TRHDE: variants seen among roughly 807,000 people sequenced by gnomAD.
TRHDE encodes the protein thyrotropin-releasing hormone-degrading ectoenzyme.
TRHDE carries 72 observed loss-of-function variants against 125.7 expected under a neutral mutation model. That is an observed-to-expected ratio of 0.57 (90% CI 0.47 to 0.70). The LOEUF (loss-of-function observed/expected upper bound fraction) is 0.70. TRHDE is among the 30% of genes least tolerant of loss of function. The pLI, the probability that TRHDE is intolerant of heterozygous loss-of-function variation, is 0.00. For synonymous variants in TRHDE, 509 were observed against 509.1 expected, an observed-to-expected ratio of 1.00 and a Z score of 0.00; for missense variants, 1,110 against 1,327.1, an observed-to-expected ratio of 0.84 and a Z score of 2.54.
At chr12:72,088,003 G>A (rs968434360) in intron 1 of TRHDE, among the ~76,000 whole-genome samples, 6 of 151,976 alleles carry the variant, frequency 3.9e-5, no homozygotes, top group Non-Finnish European at 7.4e-5. Flanking sequence ...GGAAATTGAG[G>A]GTTCAGGATT....
At chr12:72,588,077 A>G (rs540921713) in intron 12 of TRHDE, among the ~76,000 whole-genome samples, 2 of 152,284 alleles carry the variant, frequency 1.3e-5, no homozygotes, top group East Asian at 1.9e-4. Flanking sequence ...TTTCACGGAC[A>G]AAATAAAGAT....
At chr12:72,293,311 C>T (rs1880161096) in intron 2 of TRHDE, among the ~76,000 whole-genome samples, 1 of 151,866 alleles carries the variant, frequency 6.6e-6, no homozygotes, top group Non-Finnish European at 1.5e-5. Flanking sequence ...GTTTACTCTG[C>T]TGATTATTTC....
chr12:72,396,462 T>A (rs1268180966), intron 3 of TRHDE, among the ~76,000 whole-genome samples: 1 of 152,046 alleles, frequency 6.6e-6, no homozygotes, highest in African/African-American at 2.4e-5. Flanking sequence ...GACTTTATTC[T>A]CGGCCAGGTG....
chr12:72,529,056 TGTCAGATAATTTTATTTTAA>T (rs1868409834), intron 6 of TRHDE, among the ~76,000 whole-genome samples: 1 of 152,096 alleles, frequency 6.6e-6, no homozygotes, highest in Non-Finnish European at 1.5e-5. Flanking sequence ...ATTTTTCCTC[TGTCAGATAATTTTATTTTAA>T]ATAAAAACCA....
At chr12:72,477,800 G>A (rs181564058) in intron 5 of TRHDE, among the ~76,000 whole-genome samples, 127 of 152,268 alleles carry the variant, frequency 8.3e-4, no homozygotes, top group African/African-American at 2.8e-3. Context: ...TGGTGCCGAT[G>A]CAGGTCAAGT....
chr12:72,181,492 A>G (rs747941496), intron 2 of TRHDE, among the ~76,000 whole-genome samples: 2 of 152,268 alleles, frequency 1.3e-5, no homozygotes, highest in Non-Finnish European at 2.9e-5. Context: ...TATAAATTAC[A>G]AAGTTGCAAG....
intron 2 of TRHDE, among the ~76,000 whole-genome samples, chr12:72,232,064 C>T (rs1006408352): frequency 3.9e-5 from 6 of 152,184 alleles, no homozygotes; most frequent in African/African-American, 1.2e-4. Flanking sequence ...TCAGGTATGG[C>T]GGGGCCAAGA....
chr12:72,568,440 G>A lies in TRHDE; in HGVS notation c.2043-128G>A, dbSNP rs1042868138. On this transcript the variant is annotated intron_variant, in intron 9 of 18. Coordinates refer to ENST00000261180, the MANE Select transcript of TRHDE (RefSeq NM_013381.3). ...TGACCTATGCCTTACTTTTGTGACC[G>A]GAATTATTTTTTTTTAGTTCACCTA... The A allele has an allele frequency of 7.3e-5, 38 of 517,458 alleles. No homozygotes were observed. In the Admixed American group the frequency reaches 8.2e-4, roughly 11 times the overall value. 32.1% of individuals were successfully genotyped at this position (517,458 alleles called of 1,614,324 possible).
At chr12:72,398,837 T>A (rs1016868106) in intron 3 of TRHDE, among the ~76,000 whole-genome samples, 3 of 152,232 alleles carry the variant, frequency 2.0e-5, no homozygotes, top group African/African-American at 7.2e-5. Context: ...AGTTGTTAGA[T>A]GCTTTACGTT....
intron 7 of TRHDE, among the ~76,000 whole-genome samples, chr12:72,556,678 T>C (rs554213651): frequency 6.6e-6 from 1 of 152,308 alleles, no homozygotes; most frequent in Admixed American, 6.5e-5. Context: ...CCAGATTCCA[T>C]TGTGAGTGAT....
intron 7 of TRHDE, among the ~76,000 whole-genome samples, chr12:72,556,474 G>A (rs962510349): frequency 1.3e-5 from 2 of 152,210 alleles, no homozygotes; most frequent in Non-Finnish European, 1.5e-5. Flanking sequence ...CCATTAGAGT[G>A]GCTACCACAG....
At chr12:72,182,738 A>G (rs559330076) in intron 2 of TRHDE, among the ~76,000 whole-genome samples, 2 of 152,292 alleles carry the variant, frequency 1.3e-5, no homozygotes, top group East Asian at 3.9e-4. Context: ...ATGTCCAAAG[A>G]TGCTCTTCTC....
rs987087468 is a variant in TRHDE at position 72,670,552 on chromosome 12, A to C, written c.*7357A>C. The C allele has an allele frequency of 1.3e-5, 2 of 151,720 alleles. No individual in the cohort carries two copies. The highest frequency in any genetic ancestry group is 6.6e-5 in the Admixed American group (1 of 15,176). 9.4% of individuals were successfully genotyped at this position (151,720 alleles called of 1,614,324 possible). On this transcript the variant is annotated 3_prime_UTR_variant, in exon 19 of 19. Coordinates refer to ENST00000261180, the MANE Select transcript of TRHDE (RefSeq NM_013381.3). The stretch of plus-strand genomic sequence containing the variant: ...TAATACCATCTGTTTTTTTCACTTG[A>C]AAATACATTTTTAAAATTTTGAGTA...
intron 2 of TRHDE, chr12:72,306,865 C>T (rs1162585979): frequency 6.6e-6 from 1 of 152,100 alleles, no homozygotes; most frequent in Non-Finnish European, 1.5e-5. Flanking sequence ...AAAGGCCTCT[C>T]TGAATATGAG....
At chr12:72,514,209 A>G (rs1344091046) in intron 6 of TRHDE, among the ~76,000 whole-genome samples, 1 of 152,134 alleles carries the variant, frequency 6.6e-6, no homozygotes, top group East Asian at 1.9e-4. Context: ...AAAAAAACCA[A>G]TTTACAGTCA....
chr12:72,353,072 T>C (rs1870656343), intron 2 of TRHDE, among the ~76,000 whole-genome samples: 4 of 151,588 alleles, frequency 2.6e-5, no homozygotes, highest in South Asian at 4.2e-4. Context: ...GACTTGTTTT[T>C]CCCCCACACT....
chr12:72,100,644 C>CT (rs1468067126), intron 1 of TRHDE, among the ~76,000 whole-genome samples: 3 of 152,124 alleles, frequency 2.0e-5, no homozygotes, highest in Admixed American at 6.6e-5. Flanking sequence ...AAAATTGCTG[C>CT]TTGCTAGTCC....
chr12:72,240,580 TG>T (rs1360914792), intron 2 of TRHDE, among the ~76,000 whole-genome samples: 3 of 151,716 alleles, frequency 2.0e-5, no homozygotes, highest in Admixed American at 2.0e-4. Context: ...TTTTTTTTTT[TG>T]TTTTTTGAGA....
At chr12:72,602,257 T>C (rs1488861779) in intron 12 of TRHDE, among the ~76,000 whole-genome samples, 1 of 151,968 alleles carries the variant, frequency 6.6e-6, no homozygotes, top group East Asian at 1.9e-4. Flanking sequence ...TTTGTATGTG[T>C]GTGAGAGGGA....
Sources: allele counts gnomAD v4.1 joint callset (sites outside exome capture counted in the v4.1 genomes callset), GRCh38; gene constraint gnomAD v4.1.1; transcripts MANE v1.5; gene names NCBI Gene and HGNC (gene_info 2026-07-23, HGNC 2026-07-21).